NEK10: variants seen among roughly 807,000 people sequenced by gnomAD.
NEK10 encodes NIMA related kinase 10, also known as serine/threonine-protein kinase Nek10.
NEK10 carries 122 observed loss-of-function variants against 159.8 expected under a neutral mutation model. The ratio of observed to expected loss-of-function variants is 0.76; its 90% CI spans 0.66 to 0.89. NEK10 has a LOEUF of 0.89. Ranked by LOEUF, NEK10 falls within the 40% of genes least tolerant of loss-of-function variation. NEK10 has a pLI of 0.00. For synonymous variants in NEK10, 466 were observed against 457.1 expected, an observed-to-expected ratio of 1.02 and a Z score of -0.25; for missense variants, 1,342 against 1,323.1, an observed-to-expected ratio of 1.01 and a Z score of -0.22.
intron 23 of NEK10, among the ~76,000 whole-genome samples, chr3:27,232,894 CTTAAACA>C (rs921549279): frequency 8.5e-5 from 13 of 152,078 alleles, no homozygotes; most frequent in Admixed American, 7.2e-4. Flanking sequence ...CATCTCTCAC[CTTAAACA>C]AAAATCAAAT....
chr3:27,247,348 T>C (rs1955176927), intron 23 of NEK10, among the ~76,000 whole-genome samples: 1 of 152,158 alleles, frequency 6.6e-6, no homozygotes, highest in Non-Finnish European at 1.5e-5. Flanking sequence ...ATGTTGAATT[T>C]TATCAAATGT....
intron 6 of NEK10, among the ~76,000 whole-genome samples, chr3:27,321,178 G>A (rs74517012): frequency 6.8e-6 from 1 of 146,438 alleles, no homozygotes; most frequent in Non-Finnish European, 1.5e-5. Flanking sequence ...AAAAAAAAAA[G>A]TGTTAAGTAA....
intron 31 of NEK10, among the ~76,000 whole-genome samples, chr3:27,134,736 T>C (rs977998393): frequency 2.0e-5 from 3 of 152,178 alleles, no homozygotes; most frequent in Admixed American, 1.3e-4. Context: ...CTGGAATAAT[T>C]ATTACAATGG....
At chr3:27,272,697 T>C (rs1447465279) in intron 22 of NEK10, among the ~76,000 whole-genome samples, 1 of 152,184 alleles carries the variant, frequency 6.6e-6, no homozygotes, top group African/African-American at 2.4e-5. Flanking sequence ...TAAGAGCATA[T>C]GTTCTAGGTG....
chr3:27,170,415 T>C (rs1347527665), intron 29 of NEK10, among the ~76,000 whole-genome samples: 1 of 152,174 alleles, frequency 6.6e-6, no homozygotes, highest in African/African-American at 2.4e-5. Flanking sequence ...CTGTCTAGAA[T>C]ATTGGCCTAG....
intron 1 of NEK10, among the ~76,000 whole-genome samples, chr3:27,365,826 C>A (rs750475901): frequency 6.6e-6 from 1 of 151,592 alleles, no homozygotes; most frequent in East Asian, 1.9e-4. Flanking sequence ...TTGGCCAGGC[C>A]GGTCTCAAAC....
At chr3:27,141,624 A>C in intron 30 of NEK10, 42 bp from the exon 31 acceptor site, 1 of 1,458,972 alleles carries the variant, frequency 6.9e-7, no homozygotes, top group South Asian at 1.2e-5. Flanking sequence ...TTCTCTTTCA[A>C]AAGTTACATT....
chr3:27,216,333 C>T (rs1951529725), intron 23 of NEK10: 1 of 155,034 alleles, frequency 6.5e-6, no homozygotes, highest in Non-Finnish European at 1.4e-5. Flanking sequence ...AGTCTAAAAA[C>T]AAAACACATT....
At chr3:27,294,369 G>C (rs986443763) in intron 15 of NEK10, among the ~76,000 whole-genome samples, 1 of 152,160 alleles carries the variant, frequency 6.6e-6, no homozygotes, top group African/African-American at 2.4e-5. Context: ...AACACAGAAG[G>C]GTCCCATACA....
At chr3:27,264,083 G>A (rs1212291159) in intron 22 of NEK10, among the ~76,000 whole-genome samples, 12 of 152,166 alleles carry the variant, frequency 7.9e-5, no homozygotes, top group Non-Finnish European at 1.8e-4. Flanking sequence ...CTTGCCCAAT[G>A]TCTCACAGGG....
chr3:27,265,003 C>T (rs1026397181), intron 22 of NEK10, among the ~76,000 whole-genome samples: 11 of 152,108 alleles, frequency 7.2e-5, no homozygotes, highest in African/African-American at 2.7e-4. Context: ...AAACCATGAT[C>T]ATCTCAACAG....
intron 26 of NEK10, among the ~76,000 whole-genome samples, chr3:27,183,574 T>C (rs1948339493): frequency 2.0e-5 from 3 of 152,016 alleles, no homozygotes; most frequent in African/African-American, 7.2e-5. Flanking sequence ...AACAATTACA[T>C]GAATAAGTCT....
At chr3:27,241,735 G>C (rs574646262) in intron 23 of NEK10, among the ~76,000 whole-genome samples, 1 of 152,256 alleles carries the variant, frequency 6.6e-6, no homozygotes, top group South Asian at 2.1e-4. Context: ...TGCCTTCAGG[G>C]CAACCCAAAC....
intron 5 of NEK10, among the ~76,000 whole-genome samples, chr3:27,326,985 A>G (rs1007999378): frequency 5.3e-5 from 8 of 152,214 alleles, no homozygotes; most frequent in African/African-American, 1.9e-4. Context: ...CTGAGGGACT[A>G]GGAAACACAC....
rs1056691311 is a variant in NEK10 at position 27,109,902 on chromosome 3, G to A, written c.*1370C>T. ...ATTGACAATCTTCAAAAGCATTAGT[G>A]CATGATTAAAGGGAATTTGGATATA... On this transcript the variant is annotated 3_prime_UTR_variant, in exon 36 of 36. Coordinates refer to ENST00000691995, the MANE Select transcript of NEK10 (RefSeq NM_001394966.1). Among the ~76,000 whole-genome samples the A allele has an allele frequency of 3.9e-5, 6 of 152,100 alleles. No individual in the cohort carries two copies. The highest frequency in any genetic ancestry group is 8.8e-5 in the Non-Finnish European group (6 of 68,038).
intron 32 of NEK10, among the ~76,000 whole-genome samples, chr3:27,123,853 G>A (rs1027112836): frequency 7.9e-5 from 12 of 151,866 alleles, no homozygotes; most frequent in African/African-American, 2.2e-4. Context: ...ACAAGACTAC[G>A]AAGGAAGCAG....
chr3:27,338,313 C>G (rs1305682300), intron 5 of NEK10, among the ~76,000 whole-genome samples: 1 of 152,224 alleles, frequency 6.6e-6, no homozygotes, highest in East Asian at 1.9e-4. Context: ...ATATGTGCCA[C>G]ATTTTCTTTA....
intron 23 of NEK10, among the ~76,000 whole-genome samples, chr3:27,208,784 G>C (rs1376956393): frequency 1.3e-5 from 2 of 152,146 alleles, no homozygotes; most frequent in African/African-American, 4.8e-5. Context: ...GATATTCAAT[G>C]GGCAACATCA....
chr3:27,223,295 T>C (rs1327330825), intron 23 of NEK10, among the ~76,000 whole-genome samples: 2 of 152,198 alleles, frequency 1.3e-5, no homozygotes, highest in Non-Finnish European at 2.9e-5. Flanking sequence ...CCACACCTCC[T>C]GTTCTCATAT....
Sources: gnomAD v4.1 joint callset for allele counts (sites outside exome capture counted in the v4.1 genomes callset) on GRCh38, gnomAD v4.1.1 for gene constraint, MANE v1.5 for transcripts, NCBI Gene and HGNC (gene_info 2026-07-23, HGNC 2026-07-21) for gene names.